Variants in GRINA observed in about 807,000 individuals in gnomAD.
GRINA encodes the protein glutamate ionotropic receptor NMDA type subunit associated protein 1.
A neutral mutation model predicts 42.5 loss-of-function variants in GRINA; 26 were observed. The ratio of observed to expected loss-of-function variants is 0.61; its 90% CI spans 0.45 to 0.85. The LOEUF is 0.85. GRINA is among the 40% of genes least tolerant of loss of function. GRINA has a pLI of 0.00. For synonymous variants in GRINA, 256 were observed against 204.2 expected (o/e 1.25, Z -2.17); for missense variants, 475 against 481.5 (o/e 0.99, Z 0.13).
At chr8:143,992,640 G>A (rs1554750752) in intron 6 of GRINA, 32 bp downstream of exon 6, 3 of 1,614,050 alleles carry the variant, frequency 1.9e-6, no homozygotes, top group Admixed American at 3.3e-5. Context: ...CCGGGGGCGG[G>A]ATGCTGGGCA....
Position 143,992,960 on chromosome 8 carries a change from AG to A in GRINA, c.*121del. On this transcript the variant is annotated 3_prime_UTR_variant, in exon 7 of 7. Transcript: ENST00000395068. ...TGTCCCCAGGCACAGCCTAGGGAAA[AG>A]GATGCCTCTCTCCAACCCTCCTGTA... 2 of 826,426 alleles carry A rather than the reference AG, an allele frequency of 2.4e-6. No individual in the cohort carries two copies. The highest frequency in any genetic ancestry group is 3.4e-5 in the South Asian group (2 of 58,618). The allele number at this position is 826,426 out of a possible 1,614,324, so 51.2% of individuals were successfully genotyped here.
chr8:143,993,238 C>T lies in GRINA; in HGVS notation c.*397C>T. 1 of 249,824 alleles carries T rather than the reference C, an allele frequency of 4.0e-6. No individual in the cohort carries two copies. Among genetic ancestry groups the T allele is most frequent in the Non-Finnish European group, 7.9e-6 (1 of 126,346 alleles). The allele number at this position is 249,824 out of a possible 1,614,324, so 15.5% of individuals were successfully genotyped here. ...CCCAGCTCCCCAGCCTGGCGTAGAGCACCCCTCCCCTCCCCCCCACCCCCC... is the reference window on the plus strand; with the variant it reads ...CCCAGCTCCCCAGCCTGGCGTAGAGTACCCCTCCCCTCCCCCCCACCCCCC... On this transcript the variant is annotated 3_prime_UTR_variant, in exon 7 of 7. Transcript: ENST00000395068.
rs542933956 is a variant in GRINA, at chr8:143,993,145, G to T, written c.*304G>T. Reference sequence around the variant, plus strand: ...TGTCTGCCAGCCCACCCCAGGGACTGGGGGCAGCACCAGGTCCCGGGGAGA... The same window carrying T: ...TGTCTGCCAGCCCACCCCAGGGACTTGGGGCAGCACCAGGTCCCGGGGAGA... On this transcript the variant is annotated 3_prime_UTR_variant, in exon 7 of 7. Coordinates refer to ENST00000395068, the MANE Select transcript of GRINA (RefSeq NM_001009184.2). 9.6e-5 allele frequency: 36 copies of T among 373,796 alleles called. No individual in the cohort carries two copies. Among genetic ancestry groups the T allele is most frequent in the Middle Eastern group, 1.6e-3 (2 of 1,244 alleles). The allele number at this position is 373,796 out of a possible 1,614,324, so 23.2% of individuals were successfully genotyped here.
At position 143,991,342 on chromosome 8, in the gene GRINA, C is replaced by T. The variant is rs997150871; in HGVS notation, c.119C>T (p.Ala40Val). The change falls in exon 2 of 7, where the codon GCC becomes GTC. Residue 40 changes from alanine (A) to valine (V), a missense_variant. Ala to Val is a moderately conservative substitution (Grantham distance 64). This residue lies in a region of GRINA where 321 missense variants were observed against 267.2 expected (regional missense o/e 1.20). Coordinates refer to ENST00000395068, the MANE Select transcript of GRINA (RefSeq NM_001009184.2). ...PPYAQPPYPGAPYPQPPFQPS... is the reference protein window; with the variant it reads ...PPYAQPPYPGVPYPQPPFQPS... Reference sequence around the variant, plus strand: ...TATGCTCAGCCTCCCTACCCTGGGGCCCCTTACCCACAGCCCCCTTTCCAG... The same window carrying T: ...TATGCTCAGCCTCCCTACCCTGGGGTCCCTTACCCACAGCCCCCTTTCCAG... The T allele has an allele frequency of 1.5e-6, 2 of 1,369,770 alleles. No homozygotes were observed. The highest frequency in any genetic ancestry group is 2.4e-5 in the East Asian group (1 of 41,302). 84.9% of individuals were successfully genotyped at this position (1,369,770 alleles called of 1,614,324 possible). A position where few individuals can be genotyped will look rare whatever the true frequency, so the allele number is the denominator to read the frequency against.
Position 143,991,858 on chromosome 8 carries a change from C to CT in GRINA, c.493-19dup. 1 of 1,610,128 alleles carries CT rather than the reference C, an allele frequency of 6.2e-7. No individual in the cohort carries two copies. Among genetic ancestry groups the CT allele is most frequent in the Non-Finnish European group, 8.5e-7 (1 of 1,177,190 alleles). ...GGGCTGTGGCTCCCAGCGGATGACT[C>CT]TGAGCGGCTCCTTCCCCAGGTGTTC... On this transcript the variant is annotated intron_variant, in intron 3 of 6. Transcript: ENST00000395068.
In GRINA at chr8:143,992,246, C is replaced by T. The variant is rs782451067; in HGVS notation, c.695C>T (p.Ser232Leu). The change falls in exon 5 of 7, where the codon TCG (serine) becomes TTG (leucine). Residue 232 changes from serine (S) to leucine (L), a missense_variant and splice_region_variant. Around this residue, in one of 2 missense-constraint regions of GRINA, gnomAD observed 154 missense variants for 214.2 expected, o/e 0.72. Transcript: ENST00000395068. ...RKHPWNLVAL[S>L]VLTASLSYMV... ...TCAGCCTGTGTCTCCCAACTGCAGT[C>T]GGTCCTGACCGCCAGCCTGTCGTAC... is the stretch of plus-strand genomic sequence containing the variant. The T allele has an allele frequency of 2.5e-5, 40 of 1,602,646 alleles. No homozygotes were observed. Among genetic ancestry groups the T allele is most frequent in the Non-Finnish European group, 3.3e-5 (39 of 1,173,594 alleles).
Position 143,992,730 on chromosome 8 carries a change from G to A in GRINA, c.1005G>A (p.Lys335=), listed in dbSNP as rs1554750801. Residue 335 remains lysine, a synonymous_variant, in exon 7 of 7, where the codon AAG becomes AAA. Coordinates refer to ENST00000395068, the MANE Select transcript of GRINA (RefSeq NM_001009184.2). The part of the protein sequence containing the change: ...AVDTQLLLGN[K]QLSLSPEEYV... ...ACACCCAGCTGCTACTGGGGAACAAGCAGCTGTCCCTGAGCCCAGAAGAGT... is the reference window on the plus strand; with the variant it reads ...ACACCCAGCTGCTACTGGGGAACAAACAGCTGTCCCTGAGCCCAGAAGAGT... 2.5e-6 allele frequency: 4 copies of A among 1,613,868 alleles called. No individual in the cohort carries two copies. The highest frequency in any genetic ancestry group is 1.1e-5 in the South Asian group (1 of 91,092).
At position 143,991,565 on chromosome 8, in the gene GRINA, T is replaced by C; in HGVS notation, c.342T>C (p.Tyr114=). The stretch of plus-strand genomic sequence containing the variant: ...AGAGCCCCTTCCCCCCCAACCCCTA[T>C]GGACAGCCACAGGTCTTCCCAGGAC... ...YPQSPFPPNP[Y]GQPQVFPGQD... The change falls in exon 2 of 7, where the codon TAT becomes TAC. Residue 114 remains tyrosine, a synonymous_variant. Coordinates refer to ENST00000395068, the MANE Select transcript of GRINA (RefSeq NM_001009184.2). 1 of 1,563,644 alleles carries C rather than the reference T, an allele frequency of 6.4e-7. No homozygotes were observed. The highest frequency in any genetic ancestry group is 8.7e-7 in the Non-Finnish European group (1 of 1,144,558).
In GRINA at chr8:143,991,497, G is replaced by T. The variant is rs372262783; in HGVS notation, c.274G>T (p.Gly92Cys). ...GPYPQEGYPQ[G>C]PYPQGGYPQG... ...CTACCCACAAGAGGGCTACCCACAG[G>T]GCCCCTACCCCCAAGGGGGCTACCC... The change falls in exon 2 of 7, where the codon GGC becomes TGC. Residue 92 changes from glycine to cysteine, a missense_variant. Physicochemically the swap from Gly to Cys is radical, Grantham distance 159 (BLOSUM62 -3). Around this residue, in one of 2 missense-constraint regions of GRINA, gnomAD observed 321 missense variants for 267.2 expected, o/e 1.20. Coordinates refer to ENST00000395068, the MANE Select transcript of GRINA (RefSeq NM_001009184.2). 3 of 1,534,472 alleles carry T rather than the reference G, an allele frequency of 2.0e-6. No individual in the cohort carries two copies. In the African/African-American group the frequency reaches 4.2e-5, roughly 21 times the overall value.
In GRINA at chr8:143,991,946, G is replaced by A. The variant is rs1834105350; in HGVS notation, c.561G>A (p.Ala187=). The A allele has an allele frequency of 1.9e-6, 3 of 1,613,722 alleles. No individual in the cohort carries two copies. The highest frequency in any genetic ancestry group is 2.2e-5 in the East Asian group (1 of 44,886). The change falls in exon 4 of 7, where the codon GCG becomes GCA. Residue 187 remains alanine (A), a synonymous_variant. Transcript: ENST00000395068. ...CGGTGTCTGTGTTCACTTTTGTTGC[G>A]GAGGTGAAGGGCTTTGTCCGGGAGA... ...LSTVSVFTFV[A]EVKGFVRENV... is the part of the protein sequence containing the mutation.
rs781934309 is a variant in GRINA at position 143,992,010 on chromosome 8, A to G, written c.625A>G (p.Ile209Val). 6.2e-7 allele frequency: 1 copy of G among 1,613,864 alleles called. No individual in the cohort carries two copies. Among genetic ancestry groups the G allele is most frequent in the South Asian group, 1.1e-5 (1 of 91,082 alleles). The change falls in exon 4 of 7, where the codon ATC becomes GTC. Residue 209 changes from isoleucine (I) to valine (V), a missense_variant. Around this residue, in one of 2 missense-constraint regions of GRINA, gnomAD observed 321 missense variants for 267.2 expected, o/e 1.20. Coordinates refer to ENST00000395068, the MANE Select transcript of GRINA (RefSeq NM_001009184.2). ...CTATGTCTCCTATGCTGTCTTCTTCATCTCTCTCATCGTCCTCAGCTGTTG... is the reference window on the plus strand; with the variant it reads ...CTATGTCTCCTATGCTGTCTTCTTCGTCTCTCTCATCGTCCTCAGCTGTTG... ...TYYVSYAVFF[I>V]SLIVLSCCGD...
At position 143,992,345 on chromosome 8, in the gene GRINA, G is replaced by C. The variant is rs1333366412; in HGVS notation, c.794G>C (p.Cys265Ser). 1.3e-6 allele frequency: 2 copies of C among 1,593,672 alleles called. No homozygotes were observed. The highest frequency in any genetic ancestry group is 1.7e-6 in the Non-Finnish European group (2 of 1,167,622). The change falls in exon 5 of 7, where the codon TGC (cysteine) becomes TCC (serine). Residue 265 changes from cysteine to serine, a missense_variant. Cys to Ser is a moderately radical substitution (Grantham distance 112, BLOSUM62 -1). Coordinates refer to ENST00000395068, the MANE Select transcript of GRINA (RefSeq NM_001009184.2). Reference protein sequence around the residue: ...IMAVGITTAVCFTVVIFSMQT... With the variant: ...IMAVGITTAVSFTVVIFSMQT... ...GCCGTGGGCATCACCACAGCCGTCT[G>C]CTTCACCGTCGTCATCTTCTCCATG...
chr8:143,991,158 G>T, intron 1 of GRINA, 42 bp from the exon 2 acceptor site: 1 of 1,180,018 alleles, frequency 8.5e-7, no homozygotes, highest in South Asian at 1.6e-5. Flanking sequence ...CGACGCTGTC[G>T]TCAAGCCAAC....
Position 143,993,007 on chromosome 8 carries a change from A to C in GRINA, c.*166A>C. On this transcript the variant is annotated 3_prime_UTR_variant, in exon 7 of 7. Coordinates refer to ENST00000395068, the MANE Select transcript of GRINA (RefSeq NM_001009184.2). Reference sequence around the variant, plus strand: ...CTGTATGTACACTGCAGATACTTCCATTTGGACCCGCTGTGGCCACAGCAT... The same window carrying C: ...CTGTATGTACACTGCAGATACTTCCCTTTGGACCCGCTGTGGCCACAGCAT... 1 of 621,840 alleles carries C rather than the reference A, an allele frequency of 1.6e-6. No individual in the cohort carries two copies. Among genetic ancestry groups the C allele is most frequent in the Middle Eastern group, 3.7e-4 (1 of 2,726 alleles). 38.5% of individuals were successfully genotyped at this position (621,840 alleles called of 1,614,324 possible).
In GRINA at chr8:143,992,018, C is replaced by T. The variant is rs782749182; in HGVS notation, c.633C>T (p.Leu211=). ...CCTATGCTGTCTTCTTCATCTCTCT[C>T]ATCGTCCTCAGCTGTTGTGGGGACT... ...YVSYAVFFIS[L]IVLSCCGDFR... is the part of the protein sequence containing the mutation. Residue 211 remains leucine (L), a synonymous_variant, in exon 4 of 7, where the codon CTC becomes CTT. Transcript: ENST00000395068. 6.2e-7 allele frequency: 1 copy of T among 1,613,948 alleles called. No homozygotes were observed. The highest frequency in any genetic ancestry group is 8.5e-7 in the Non-Finnish European group (1 of 1,179,912).
chr8:143,992,244 G>T lies in GRINA; in HGVS notation c.694-1G>T. On this transcript the variant is annotated splice_acceptor_variant, in intron 4 of 6. Coordinates refer to ENST00000395068, the MANE Select transcript of GRINA (RefSeq NM_001009184.2). LOFTEE classifies it high-confidence loss of function. ...GGTCAGCCTGTGTCTCCCAACTGCA[G>T]TCGGTCCTGACCGCCAGCCTGTCGT... 1 of 1,604,230 alleles carries T rather than the reference G, an allele frequency of 6.2e-7. No homozygotes were observed. The highest frequency in any genetic ancestry group is 8.5e-7 in the Non-Finnish European group (1 of 1,174,432).
intron 1 of GRINA, 66 bp from the exon 2 acceptor site, chr8:143,991,134 G>T (rs1834085391): frequency 1.2e-6 from 1 of 839,852 alleles, no homozygotes; most frequent in South Asian, 1.8e-5. Flanking sequence ...GTGGAGTTGC[G>T]CAGGGCTGGG....
rs1554750613 is a variant in GRINA at position 143,992,087 on chromosome 8, CA to C, written c.693+12del. The C allele has an allele frequency of 6.2e-7, 1 of 1,612,810 alleles. No homozygotes were observed. Among genetic ancestry groups the C allele is most frequent in the Non-Finnish European group, 8.5e-7 (1 of 1,179,036 alleles). On this transcript the variant is annotated intron_variant, in intron 4 of 6. Coordinates refer to ENST00000395068, the MANE Select transcript of GRINA (RefSeq NM_001009184.2). Reference sequence around the variant, plus strand: ...GGAACCTTGTTGCACTGGTAACCCCCAAACCTGAGCCTCTGTGCCTGGGTCC... The same window carrying C: ...GGAACCTTGTTGCACTGGTAACCCCCAACCTGAGCCTCTGTGCCTGGGTCC...
At position 143,991,731 on chromosome 8, in the gene GRINA, C is replaced by T. The variant is rs782525102; in HGVS notation, c.419C>T (p.Ser140Phe). ...HGNYQEEGPPSYYDNQDFPAT... is the reference protein window; with the variant it reads ...HGNYQEEGPPFYYDNQDFPAT... ...AACTACCAGGAGGAGGGTCCCCCAT[C>T]CTACTATGACAACCAGGACTTCCCT... Residue 140 changes from serine to phenylalanine, a missense_variant, in exon 3 of 7, where the codon TCC becomes TTC. By Grantham distance (155) the Ser-to-Phe change is radical. Transcript: ENST00000395068. The T allele has an allele frequency of 1.9e-6, 3 of 1,613,782 alleles. No individual in the cohort carries two copies. Among genetic ancestry groups the T allele is most frequent in the East Asian group, 2.2e-5 (1 of 44,878 alleles).
Sources: gnomAD v4.1 joint callset for allele counts on GRCh38, gnomAD v4.1.1 for gene constraint, gnomAD v4.1.1 regional missense constraint, MANE v1.5 for transcripts, NCBI Gene and HGNC (gene_info 2026-07-23, HGNC 2026-07-21) for gene names.